TMEM154: variants seen among roughly 807,000 people sequenced by gnomAD.
TMEM154 encodes transmembrane protein 154.
Under a neutral mutation model 24.5 loss-of-function variants are expected in TMEM154, and 27 were observed. The observed-to-expected ratio is 1.10, with a 90% CI of 0.81 to 1.52. The LOEUF (loss-of-function observed/expected upper bound fraction) is 1.52, where lower values mean the gene tolerates loss of function less well. Among genes scored for constraint, TMEM154 ranks in the 40% most tolerant of loss-of-function variants. The pLI, the probability that TMEM154 is intolerant of heterozygous loss-of-function variation, is 0.00. For synonymous variants in TMEM154, 67 were observed against 76.8 expected, an observed-to-expected ratio of 0.87 and a Z score of 0.67; for missense variants, 228 against 213.4, an observed-to-expected ratio of 1.07 and a Z score of -0.43.
At chr4:152,670,948 A>AATT (rs1462255348) in intron 1 of TMEM154, among the ~76,000 whole-genome samples, 1 of 152,194 alleles carries the variant, frequency 6.6e-6, no homozygotes, top group Non-Finnish European at 1.5e-5. Flanking sequence ...GATGGCATGC[A>AATT]AATCGGTAAT....
intron 6 of TMEM154, among the ~76,000 whole-genome samples, chr4:152,640,660 C>G (rs1752237157): frequency 6.6e-6 from 1 of 152,124 alleles, no homozygotes; most frequent in Non-Finnish European, 1.5e-5. Flanking sequence ...AAAACAGAAG[C>G]TGAAGCAACA....
At chr4:152,652,456 C>T in intron 3 of TMEM154, 82 bp downstream of exon 3, 1 of 1,588,468 alleles carries the variant, frequency 6.3e-7, no homozygotes, top group African/African-American at 1.4e-5. Flanking sequence ...TATATGTAGT[C>T]CTTGTTGCTT....
At chr4:152,669,138 A>AT (rs1728779843) in intron 1 of TMEM154, 1 of 152,210 alleles carries the variant, frequency 6.6e-6, no homozygotes. Flanking sequence ...ACATTCACAG[A>AT]TTTTTTAAAA....
Position 152,618,860 on chromosome 4 carries a change from A to T in TMEM154, c.*9686T>A, listed in dbSNP as rs1751804945. 6.6e-6 allele frequency: 1 copy of T among 152,254 alleles called. No individual in the cohort carries two copies. The allele number at this position is 152,254 out of a possible 1,614,324, so 9.4% of individuals were successfully genotyped here. ...ATAAAGAATGACATCAGGATCCATTAGATGGAAAGTGAGGAAAATGCAATT... is the reference window on the plus strand; with the variant it reads ...ATAAAGAATGACATCAGGATCCATTTGATGGAAAGTGAGGAAAATGCAATT... On this transcript the variant is annotated 3_prime_UTR_variant, in exon 7 of 7. Coordinates refer to ENST00000304385, the MANE Select transcript of TMEM154 (RefSeq NM_152680.3).
At position 152,652,519 on chromosome 4, in the gene TMEM154, G is replaced by T; in HGVS notation, c.364+19C>A. 1 of 1,613,620 alleles carries T rather than the reference G, an allele frequency of 6.2e-7. No individual in the cohort carries two copies. The highest frequency in any genetic ancestry group is 8.5e-7 in the Non-Finnish European group (1 of 1,179,858). ...CAATCCCACCCCCACCTGTAGGCAG[G>T]TTTTAGGATAATACTCACATGTCTG... On this transcript the variant is annotated intron_variant, in intron 3 of 6. Transcript: ENST00000304385.
chr4:152,635,459 T>C (rs1020626215), intron 6 of TMEM154, among the ~76,000 whole-genome samples: 1 of 152,348 alleles, frequency 6.6e-6, no homozygotes, highest in African/African-American at 2.4e-5. Context: ...TTACTCAAAT[T>C]ATTTTATTTT....
intron 6 of TMEM154, among the ~76,000 whole-genome samples, chr4:152,632,087 G>A (rs191720768): frequency 3.9e-5 from 6 of 152,222 alleles, no homozygotes; most frequent in African/African-American, 7.2e-5. Flanking sequence ...GATTACAGGC[G>A]TGCACCACAG....
Position 152,620,504 on chromosome 4 carries a change from CT to C in TMEM154, c.*8041del, listed in dbSNP as rs944078015. The C allele has an allele frequency of 2.0e-4, 27 of 132,052 alleles. No homozygotes were observed. Among genetic ancestry groups the C allele is most frequent in the African/African-American group, 6.0e-4 (22 of 36,808 alleles). 8.2% of individuals were successfully genotyped at this position (132,052 alleles called of 1,614,324 possible). Reference sequence around the variant, plus strand: ...AAGGCATCCTTGACAATGACTGAAACTTTTTTTTGTTTGTTTTTTTGTTGTT... The same window carrying C: ...AAGGCATCCTTGACAATGACTGAAACTTTTTTTGTTTGTTTTTTTGTTGTT... On this transcript the variant is annotated 3_prime_UTR_variant, in exon 7 of 7. Coordinates refer to ENST00000304385, the MANE Select transcript of TMEM154 (RefSeq NM_152680.3).
rs1172473959 is a variant in TMEM154, at chr4:152,628,676, G to A, written c.537-115C>T. ...TTTTGAGACGGAGTCTGGCTCCGTC[G>A]CCCAGGCTGGAGCGCAGTGGCACAA... On this transcript the variant is annotated intron_variant, in intron 6 of 6. Coordinates refer to ENST00000304385, the MANE Select transcript of TMEM154 (RefSeq NM_152680.3). The A allele has an allele frequency of 1.9e-4, 235 of 1,255,160 alleles. 1 individual carries two copies. Among genetic ancestry groups the A allele is most frequent in the Admixed American group, 4.5e-4 (12 of 26,706 alleles). The allele number at this position is 1,255,160 out of a possible 1,614,324, so 77.8% of individuals were successfully genotyped here.
Position 152,620,838 on chromosome 4 carries a change from A to T in TMEM154, c.*7708T>A, listed in dbSNP as rs1466147682. 2 of 152,150 alleles carry T rather than the reference A, an allele frequency of 1.3e-5. No homozygotes were observed. The highest frequency in any genetic ancestry group is 1.3e-4 in the Admixed American group (2 of 15,278). 9.4% of individuals were successfully genotyped at this position (152,150 alleles called of 1,614,324 possible). A position where few individuals can be genotyped will look rare whatever the true frequency, so the allele number is the denominator to read the frequency against. ...TTAAAACACTTTCCTACGGCTAGTT[A>T]TTGGGGATGCAGTGCAGTGCAGTGA... On this transcript the variant is annotated 3_prime_UTR_variant, in exon 7 of 7. Coordinates refer to ENST00000304385, the MANE Select transcript of TMEM154 (RefSeq NM_152680.3).
Position 152,629,315 on chromosome 4 carries a change from C to T in TMEM154, c.537-754G>A, listed in dbSNP as rs529411886. On this transcript the variant is annotated intron_variant, in intron 6 of 6. Coordinates refer to ENST00000304385, the MANE Select transcript of TMEM154 (RefSeq NM_152680.3). ...TGGTCCTGGCATGTCTTCAATAGCC[C>T]GTTTTGTTCATACCTACAAAGGAGC... Among the ~76,000 whole-genome samples, 18 of 152,316 alleles carry T rather than the reference C, an allele frequency of 1.2e-4. No homozygotes were observed. The South Asian group carries it at 2.1e-3, about 18-fold the overall frequency.
At position 152,641,083 on chromosome 4, in the gene TMEM154, G is replaced by A. The variant is rs374031090; in HGVS notation, c.479-98C>T. On this transcript the variant is annotated intron_variant, in intron 5 of 6. Transcript: ENST00000304385. ...TAAATACCATAGTTCTCTGATCTGC[G>A]TGGTTACTTGCACAAAAATGGCCTC... 118 of 1,147,224 alleles carry A rather than the reference G, an allele frequency of 1.0e-4. No homozygotes were observed. The African/African-American group carries it at 1.2e-3, about 12-fold the overall frequency. 71.1% of individuals were successfully genotyped at this position (1,147,224 alleles called of 1,614,324 possible).
intron 1 of TMEM154, among the ~76,000 whole-genome samples, chr4:152,656,919 C>T (rs1052959450): frequency 2.6e-5 from 4 of 151,302 alleles, no homozygotes; most frequent in Non-Finnish European, 5.9e-5. Flanking sequence ...AAAAACAATA[C>T]CCAAAATTAG....
In TMEM154 at chr4:152,620,364, T is replaced by C. The variant is rs989305687; in HGVS notation, c.*8182A>G. 23 of 152,196 alleles carry C rather than the reference T, an allele frequency of 1.5e-4. No individual in the cohort carries two copies. Among genetic ancestry groups the C allele is most frequent in the African/African-American group, 5.3e-4 (22 of 41,450 alleles). 9.4% of individuals were successfully genotyped at this position (152,196 alleles called of 1,614,324 possible). A position where few individuals can be genotyped will look rare whatever the true frequency, so the allele number is the denominator to read the frequency against. ...CCCCTATTCTAAGCCCTGGCTTTTT[T>C]CTCAGCATGATAGACCATTACTTCT... On this transcript the variant is annotated 3_prime_UTR_variant, in exon 7 of 7. Coordinates refer to ENST00000304385, the MANE Select transcript of TMEM154 (RefSeq NM_152680.3).
chr4:152,636,206 A>G (rs2149778965), intron 6 of TMEM154, among the ~76,000 whole-genome samples: 1 of 152,314 alleles, frequency 6.6e-6, no homozygotes, highest in East Asian at 1.9e-4. Flanking sequence ...AAACAATAAT[A>G]AAACCAACCA....
chr4:152,632,076 G>A (rs1214365131), intron 6 of TMEM154, among the ~76,000 whole-genome samples: 1 of 152,000 alleles, frequency 6.6e-6, no homozygotes, highest in Non-Finnish European at 1.5e-5. Flanking sequence ...CAAAGTGCTG[G>A]GATTACAGGC....
intron 1 of TMEM154, chr4:152,669,390 A>G (rs1378548635): frequency 6.6e-6 from 1 of 152,224 alleles, no homozygotes; most frequent in East Asian, 1.9e-4. Flanking sequence ...AAAATACAGG[A>G]TGCCTAGTTA....
chr4:152,663,291 T>C (rs578029703), intron 1 of TMEM154, among the ~76,000 whole-genome samples: 2 of 152,276 alleles, frequency 1.3e-5, no homozygotes, highest in African/African-American at 4.8e-5. Context: ...CTACTTTACT[T>C]CCTTATCTAA....
At chr4:152,647,236 T>C (rs926343081) in intron 3 of TMEM154, 2 of 985,008 alleles carry the variant, frequency 2.0e-6, no homozygotes, top group Admixed American at 6.1e-5. Flanking sequence ...GGGGACATAG[T>C]GTGCAGGTGT....
Sources: gnomAD v4.1 joint callset for allele counts (sites outside exome capture counted in the v4.1 genomes callset) on GRCh38, gnomAD v4.1.1 for gene constraint, MANE v1.5 for transcripts, NCBI Gene and HGNC (gene_info 2026-07-23, HGNC 2026-07-21) for gene names.